STEAP4: variants seen among roughly 807,000 people sequenced by gnomAD.
The protein encoded by STEAP4 is STEAP4 metalloreductase, also known as metalloreductase STEAP4.
A neutral mutation model predicts 43.6 loss-of-function variants in STEAP4; 36 were observed. The observed-to-expected ratio is 0.83, with a 90% CI of 0.63 to 1.09. STEAP4 has a LOEUF of 1.09. Among genes scored for constraint, STEAP4 ranks in the 50% least tolerant of loss-of-function variants. The pLI, the probability that STEAP4 is intolerant of heterozygous loss-of-function variation, is 0.00. For synonymous variants in STEAP4, 191 were observed against 196.7 expected (o/e 0.97, Z 0.24); for missense variants, 495 against 546.5 (o/e 0.91, Z 0.94).
At chr7:88,294,093 G>A (rs1852886659) in intron 1 of STEAP4, among the ~76,000 whole-genome samples, 1 of 152,000 alleles carries the variant, frequency 6.6e-6, no homozygotes, top group South Asian at 2.1e-4. Context: ...TCATACAAAA[G>A]CATAATAGCA....
At chr7:88,303,203 A>C (rs1355058295) in intron 1 of STEAP4, among the ~76,000 whole-genome samples, 85 of 145,942 alleles carry the variant, frequency 5.8e-4, no homozygotes, top group African/African-American at 2.1e-3. Context: ...AAAAAAAAAA[A>C]AAAAAACTCC....
In STEAP4 at chr7:88,272,408, A is replaced by G. The variant is rs1852449435; in HGVS notation, c.*6990T>C. ...CTTTACTACTCCATTCCCAGTATCT[A>G]ATAATTTGATGATTTTTAACTTCCA... On this transcript the variant is annotated 3_prime_UTR_variant, in exon 5 of 5. Transcript: ENST00000380079. 1 of 152,116 alleles carries G rather than the reference A, an allele frequency of 6.6e-6. No homozygotes were observed. Among genetic ancestry groups the G allele is most frequent in the Non-Finnish European group, 1.5e-5 (1 of 68,028 alleles). 9.4% of individuals were successfully genotyped at this position (152,116 alleles called of 1,614,324 possible).
At position 88,273,261 on chromosome 7, in the gene STEAP4, T is replaced by G. The variant is rs1384187354; in HGVS notation, c.*6137A>C. 6.6e-6 allele frequency: 1 copy of G among 152,206 alleles called. No homozygotes were observed. The highest frequency in any genetic ancestry group is 2.4e-5 in the African/African-American group (1 of 41,458). 9.4% of individuals were successfully genotyped at this position (152,206 alleles called of 1,614,324 possible). A position where few individuals can be genotyped will look rare whatever the true frequency, so the allele number is the denominator to read the frequency against. ...AGGAAGTCTGTCATTCTTTTTCATC[T>G]CTATCTTAGCATGAAAGAAAGGATT... On this transcript the variant is annotated 3_prime_UTR_variant, in exon 5 of 5. Transcript: ENST00000380079.
In STEAP4 at chr7:88,279,021, A is replaced by G. The variant is rs1242345565; in HGVS notation, c.*377T>C. 1.4e-5 allele frequency: 3 copies of G among 212,912 alleles called. No homozygotes were observed. The highest frequency in any genetic ancestry group is 2.9e-5 in the Non-Finnish European group (3 of 103,384). The allele number at this position is 212,912 out of a possible 1,614,324, so 13.2% of individuals were successfully genotyped here. ...TGCTGTTTTTCCTTTCACTTAACTC[A>G]GCCCTTGAGCCAGAGAAGGAAGCTG... On this transcript the variant is annotated 3_prime_UTR_variant, in exon 5 of 5. Coordinates refer to ENST00000380079, the MANE Select transcript of STEAP4 (RefSeq NM_024636.4).
chr7:88,288,577 T>C (rs145185163), intron 1 of STEAP4, among the ~76,000 whole-genome samples: 2 of 152,310 alleles, frequency 1.3e-5, no homozygotes, highest in Non-Finnish European at 2.9e-5. Flanking sequence ...CATTAAACCA[T>C]TAACAAATAG....
intron 1 of STEAP4, among the ~76,000 whole-genome samples, chr7:88,291,952 A>G (rs560027229): frequency 7.2e-5 from 11 of 152,334 alleles, no homozygotes; most frequent in Admixed American, 7.2e-4. Context: ...CAGAGATGAC[A>G]GCCAAGATGC....
chr7:88,302,136 C>T (rs1459531035), intron 1 of STEAP4, among the ~76,000 whole-genome samples: 1 of 152,194 alleles, frequency 6.6e-6, no homozygotes, highest in Non-Finnish European at 1.5e-5. Context: ...ACCCTGTTAA[C>T]TAATATTGTG....
At chr7:88,284,831 T>A (rs1266341789) in intron 1 of STEAP4, among the ~76,000 whole-genome samples, 2 of 152,176 alleles carry the variant, frequency 1.3e-5, no homozygotes, top group South Asian at 4.1e-4. Flanking sequence ...CTGTTAAAAT[T>A]CAACATTTAT....
intron 1 of STEAP4, among the ~76,000 whole-genome samples, chr7:88,297,381 A>T (rs1000380963): frequency 6.6e-6 from 1 of 152,174 alleles, no homozygotes; most frequent in Non-Finnish European, 1.5e-5. Flanking sequence ...AGAGTGATGG[A>T]ATAGAAAATG....
chr7:88,276,245 A>G lies in STEAP4; in HGVS notation c.*3153T>C, dbSNP rs1304818987. ...GTGCCACCCCGCTGAGCTCAAGCTTACATTGCAAGAAGCTGCAGATCTGTT... is the reference window on the plus strand; with the variant it reads ...GTGCCACCCCGCTGAGCTCAAGCTTGCATTGCAAGAAGCTGCAGATCTGTT... On this transcript the variant is annotated 3_prime_UTR_variant, in exon 5 of 5. Coordinates refer to ENST00000380079, the MANE Select transcript of STEAP4 (RefSeq NM_024636.4). 6.6e-6 allele frequency: 1 copy of G among 152,254 alleles called. No homozygotes were observed. Among genetic ancestry groups the G allele is most frequent in the Non-Finnish European group, 1.5e-5 (1 of 68,062 alleles). 9.4% of individuals were successfully genotyped at this position (152,254 alleles called of 1,614,324 possible).
chr7:88,305,413 A>G (rs889459603), intron 1 of STEAP4, among the ~76,000 whole-genome samples: 1 of 152,230 alleles, frequency 6.6e-6, no homozygotes, highest in African/African-American at 2.4e-5. Flanking sequence ...GCCATATCTC[A>G]GAAAAGTTAC....
chr7:88,281,620 C>A (rs1852621950), intron 3 of STEAP4: 1 of 152,040 alleles, frequency 6.6e-6, no homozygotes, highest in South Asian at 2.1e-4. Context: ...GTAGAGAAAC[C>A]CATAGAAGCA....
intron 1 of STEAP4, among the ~76,000 whole-genome samples, chr7:88,285,310 A>G (rs1852710792): frequency 6.6e-6 from 1 of 152,190 alleles, no homozygotes; most frequent in Non-Finnish European, 1.5e-5. Context: ...TGTATGAAAA[A>G]TATTTTAAAT....
chr7:88,295,560 CAGCTTTTATGTT>C (rs972732917), intron 1 of STEAP4, among the ~76,000 whole-genome samples: 6 of 152,084 alleles, frequency 3.9e-5, no homozygotes, highest in Admixed American at 6.6e-5. Context: ...AAGCTTTTAT[CAGCTTTTATGTT>C]AGCTTTCACT....
chr7:88,283,317 A>G, intron 2 of STEAP4, 149 bp from the exon 3 acceptor site: 1 of 878,540 alleles, frequency 1.1e-6, no homozygotes, highest in Non-Finnish European at 1.6e-6. Context: ...CATATGTAAC[A>G]AGATGTTTTA....
chr7:88,283,357 G>A (rs913961759), intron 2 of STEAP4, 189 bp from the exon 3 acceptor site: 8 of 606,084 alleles, frequency 1.3e-5, no homozygotes, highest in African/African-American at 1.1e-4. Context: ...AGATAGGTAA[G>A]TACCAGGGTT....
rs1231766486 is a variant in STEAP4, at chr7:88,272,269, T to C, written c.*7129A>G. 2 of 152,220 alleles carry C rather than the reference T, an allele frequency of 1.3e-5. No homozygotes were observed. The highest frequency in any genetic ancestry group is 2.9e-5 in the Non-Finnish European group (2 of 68,038). The allele number at this position is 152,220 out of a possible 1,614,324, so 9.4% of individuals were successfully genotyped here. On this transcript the variant is annotated 3_prime_UTR_variant, in exon 5 of 5. Coordinates refer to ENST00000380079, the MANE Select transcript of STEAP4 (RefSeq NM_024636.4). ...TTCCTTTCCCCTTGATGGGAATAAC[T>C]CTTAGTTATATCTGACACTGTCTTC...
intron 1 of STEAP4, chr7:88,304,403 T>C (rs1853093792): frequency 6.6e-6 from 1 of 152,116 alleles, no homozygotes. Flanking sequence ...AAACCTTACA[T>C]TATTATTATC....
chr7:88,293,286 T>A (rs1852868831), intron 1 of STEAP4, among the ~76,000 whole-genome samples: 1 of 152,324 alleles, frequency 6.6e-6, no homozygotes, highest in Admixed American at 6.5e-5. Flanking sequence ...TGTATTTTGC[T>A]TATTTTCTAA....
Sources: allele counts gnomAD v4.1 joint callset (sites outside exome capture counted in the v4.1 genomes callset), GRCh38; gene constraint gnomAD v4.1.1; transcripts MANE v1.5; gene names NCBI Gene and HGNC (gene_info 2026-07-23, HGNC 2026-07-21).